Variants in ZBTB44 observed in about 807,000 individuals in gnomAD.
The protein encoded by ZBTB44 is zinc finger and BTB domain containing 44.
A neutral mutation model predicts 54.0 loss-of-function variants in ZBTB44; 15 were observed. That is an observed-to-expected ratio of 0.28 (90% CI 0.19 to 0.43). The LOEUF (loss-of-function observed/expected upper bound fraction) is 0.43, where lower values mean the gene tolerates loss of function less well. Among genes scored for constraint, ZBTB44 ranks in the 20% least tolerant of loss-of-function variants. The probability of loss-of-function intolerance (pLI) is 1.00; values close to 1 mark genes in which losing one functional copy is unlikely to be tolerated. For synonymous variants in ZBTB44, 230 were observed against 250.1 expected (o/e 0.92, Z 0.76); for missense variants, 487 against 707.1 (o/e 0.69, Z 3.53).
intron 6 of ZBTB44, chr11:130,233,712 T>C: frequency 2.5e-6 from 3 of 1,190,898 alleles, no homozygotes; most frequent in Non-Finnish European, 3.1e-6. Context: ...CTTTTAACAA[T>C]GGAAGAAGGA....
At position 130,310,368 on chromosome 11, in the gene ZBTB44, A is replaced by AG. The variant is rs531681975; in HGVS notation, c.-57+4006dup. On this transcript the variant is annotated intron_variant, in intron 1 of 7. Coordinates refer to ENST00000357899, the MANE Select transcript of ZBTB44 (RefSeq NM_001301098.2). Reference sequence around the variant, plus strand: ...GGTTGCCTAATGAGAGAAGTGGCCCAGGTCAGAAACAGAGCAGGTCAAAAC... The same window carrying AG: ...GGTTGCCTAATGAGAGAAGTGGCCCAGGGTCAGAAACAGAGCAGGTCAAAAC... 10 of 152,312 alleles carry AG rather than the reference A, an allele frequency of 6.6e-5. No homozygotes were observed. In the East Asian group the frequency reaches 1.9e-3, roughly 29 times the overall value. 9.4% of individuals were successfully genotyped at this position (152,312 alleles called of 1,614,324 possible). A position where few individuals can be genotyped will look rare whatever the true frequency, so the allele number is the denominator to read the frequency against.
chr11:130,237,486 C>T (rs1954155790), intron 4 of ZBTB44, among the ~76,000 whole-genome samples: 1 of 152,182 alleles, frequency 6.6e-6, no homozygotes, highest in Admixed American at 6.5e-5. Context: ...TGAAAATCAT[C>T]AGTACCTACT....
intron 1 of ZBTB44, among the ~76,000 whole-genome samples, chr11:130,266,260 T>C (rs564657099): frequency 1.1e-4 from 17 of 152,318 alleles, no homozygotes; most frequent in African/African-American, 3.8e-4. Flanking sequence ...TACAGCATGG[T>C]TTACTGAATG....
chr11:130,296,162 T>C, intron 1 of ZBTB44: 1 of 1,403,088 alleles, frequency 7.1e-7, no homozygotes, highest in Non-Finnish European at 1.0e-6. Context: ...CGAAAAGTTT[T>C]GAAGGTTGGC....
chr11:130,263,121 T>C (rs1055624450), intron 1 of ZBTB44, among the ~76,000 whole-genome samples: 2 of 152,186 alleles, frequency 1.3e-5, no homozygotes, highest in African/African-American at 2.4e-5. Flanking sequence ...TTTGAGACTG[T>C]TCCATGTCAG....
chr11:130,268,788 C>A (rs1011246804), intron 1 of ZBTB44, among the ~76,000 whole-genome samples: 1 of 151,172 alleles, frequency 6.6e-6, no homozygotes, highest in African/African-American at 2.4e-5. Flanking sequence ...CCATGTTGGC[C>A]AGGCTGGTCT....
intron 1 of ZBTB44, among the ~76,000 whole-genome samples, chr11:130,283,604 T>A (rs1940698524): frequency 6.6e-6 from 1 of 152,182 alleles, no homozygotes; most frequent in Non-Finnish European, 1.5e-5. Flanking sequence ...ATATGTTCAA[T>A]CTCATTTTAA....
At position 130,284,474 on chromosome 11, in the gene ZBTB44, G is replaced by A. The variant is rs140475804; in HGVS notation, c.-56-22545C>T. Among the ~76,000 whole-genome samples, 311 of 152,308 alleles carry A rather than the reference G, an allele frequency of 2.0e-3. 1 individual carries two copies. Among genetic ancestry groups the A allele is most frequent in the African/African-American group, 6.6e-3 (276 of 41,562 alleles). On this transcript the variant is annotated intron_variant, in intron 1 of 7. Coordinates refer to ENST00000357899, the MANE Select transcript of ZBTB44 (RefSeq NM_001301098.2). Reference sequence around the variant, plus strand: ...AAGTAAACCAAGTCAGTTACTTAATGTCAGTTATTAACGTCAGAGCTAGGG... The same window carrying A: ...AAGTAAACCAAGTCAGTTACTTAATATCAGTTATTAACGTCAGAGCTAGGG...
At chr11:130,246,221 A>T (rs1050363214) in intron 2 of ZBTB44, among the ~76,000 whole-genome samples, 1 of 152,234 alleles carries the variant, frequency 6.6e-6, no homozygotes, top group Non-Finnish European at 1.5e-5. Flanking sequence ...ACAAGTAATC[A>T]TATGAATTGG....
chr11:130,285,282 CTT>C (rs1397280076), intron 1 of ZBTB44: 2 of 138,564 alleles, frequency 1.4e-5, no homozygotes, highest in Admixed American at 7.1e-5. Context: ...TGGAGTTATT[CTT>C]GTTTTCTTTT....
rs1953738283 is a variant in ZBTB44 at position 130,227,611 on chromosome 11, CTGGAAGACCA to C, written c.*4143_*4152del. The C allele has an allele frequency of 6.6e-6, 1 of 152,322 alleles. No homozygotes were observed. Among genetic ancestry groups the C allele is most frequent in the South Asian group, 2.1e-4 (1 of 4,830 alleles). 9.4% of individuals were successfully genotyped at this position (152,322 alleles called of 1,614,324 possible). A position where few individuals can be genotyped will look rare whatever the true frequency, so the allele number is the denominator to read the frequency against. On this transcript the variant is annotated 3_prime_UTR_variant, in exon 8 of 8. Coordinates refer to ENST00000357899, the MANE Select transcript of ZBTB44 (RefSeq NM_001301098.2). ...CTACCCAAAGCCATCAGTCACCCATCTGGAAGACCATGGTGTACAGTTTCCGCCTAGGCTG... is the reference window on the plus strand; with the variant it reads ...CTACCCAAAGCCATCAGTCACCCATCTGGTGTACAGTTTCCGCCTAGGCTG...
intron 1 of ZBTB44, among the ~76,000 whole-genome samples, chr11:130,309,027 A>C (rs1942433363): frequency 6.6e-6 from 1 of 152,168 alleles, no homozygotes; most frequent in African/African-American, 2.4e-5. Context: ...CACTCAACTT[A>C]TCACCAGACT....
intron 5 of ZBTB44, among the ~76,000 whole-genome samples, chr11:130,234,664 A>C (rs993780927): frequency 6.6e-6 from 1 of 152,224 alleles, no homozygotes; most frequent in Non-Finnish European, 1.5e-5. Flanking sequence ...TGAGTAAGAG[A>C]TATATAAACC....
At chr11:130,238,766 AC>A in intron 3 of ZBTB44, 159 bp from the exon 4 acceptor site, 1 of 804,660 alleles carries the variant, frequency 1.2e-6, no homozygotes, top group Admixed American at 3.5e-5. Context: ...AATATGAAAA[AC>A]AATGTTAATG....
At position 130,261,006 on chromosome 11, in the gene ZBTB44, T is replaced by C; in HGVS notation, c.868A>G (p.Lys290Glu). The C allele has an allele frequency of 6.2e-7, 1 of 1,614,000 alleles. No individual in the cohort carries two copies. The highest frequency in any genetic ancestry group is 8.5e-7 in the Non-Finnish European group (1 of 1,179,892). Residue 290 changes from lysine (K) to glutamate (E), a missense_variant, in exon 2 of 8, where the codon AAA becomes GAA. Transcript: ENST00000357899. The surrounding 1 kb of genome is among the most constrained non-coding windows in gnomAD (Gnocchi z 4.8). ...TCCTCATCACTTAATCTTTCTACTTTGACCCGGACATCTTCTTCGGTACCT... is the reference window on the plus strand; with the variant it reads ...TCCTCATCACTTAATCTTTCTACTTCGACCCGGACATCTTCTTCGGTACCT... ...PLGTEEDVRV[K>E]VERLSDEEVH... is the part of the protein sequence containing the mutation.
intron 5 of ZBTB44, chr11:130,236,200 T>C (rs1326000084): frequency 1.6e-6 from 2 of 1,286,290 alleles, no homozygotes; most frequent in African/African-American, 3.0e-5. Flanking sequence ...ATCTAGAAGC[T>C]GATTTCCTGG....
At chr11:130,255,459 T>G (rs1287415769) in intron 2 of ZBTB44, among the ~76,000 whole-genome samples, 1 of 152,104 alleles carries the variant, frequency 6.6e-6, no homozygotes, top group Non-Finnish European at 1.5e-5. Flanking sequence ...GTGGGAAAGA[T>G]GTAAAATCTA....
chr11:130,267,845 G>A (rs1221897917), intron 1 of ZBTB44, among the ~76,000 whole-genome samples: 1 of 149,770 alleles, frequency 6.7e-6, no homozygotes, highest in Non-Finnish European at 1.5e-5. Flanking sequence ...GCCAGGGCAG[G>A]TGGATCCCCT....
intron 1 of ZBTB44, among the ~76,000 whole-genome samples, chr11:130,312,964 G>A (rs558058137): frequency 5.1e-4 from 77 of 152,144 alleles, no homozygotes; most frequent in African/African-American, 1.7e-3. Flanking sequence ...GAAACAATAT[G>A]GCAAAAATGC....
Sources: gnomAD v4.1 joint callset for allele counts (sites outside exome capture counted in the v4.1 genomes callset) on GRCh38, gnomAD v4.1.1 for gene constraint, Gnocchi (gnomAD v3.1) non-coding constraint, MANE v1.5 for transcripts, NCBI Gene and HGNC (gene_info 2026-07-23, HGNC 2026-07-21) for gene names.